Variants in SAFB observed in about 807,000 individuals in gnomAD.
SAFB encodes scaffold attachment factor B.
In SAFB, 15 loss-of-function variants were observed where a neutral mutation model predicts 101.6. The observed-to-expected ratio is 0.15, with a 90% CI of 0.10 to 0.23. The LOEUF (loss-of-function observed/expected upper bound fraction) is 0.23, where lower values mean the gene tolerates loss of function less well. SAFB is among the 10% of genes least tolerant of loss of function. The probability of loss-of-function intolerance (pLI) is 1.00; values close to 1 mark genes in which losing one functional copy is unlikely to be tolerated. For missense variants in SAFB, 930 were observed against 1,104.1 expected, an observed-to-expected ratio of 0.84 and a Z score of 2.23; for synonymous variants, 449 against 407.5, an observed-to-expected ratio of 1.10 and a Z score of -1.23.
At position 5,668,445 on chromosome 19, in the gene SAFB, TGTAATAAA is replaced by T; in HGVS notation, c.*155_*162del. ...TTTTCGTTTTGGGGTTTTTTTTTTT[TGTAATAAA>T]TGTGTTTCCGTTCACATACCCTTTA... On this transcript the variant is annotated 3_prime_UTR_variant, in exon 21 of 21. Coordinates refer to ENST00000588852, the MANE Select transcript of SAFB (RefSeq NM_001201338.2). The T allele has an allele frequency of 5.4e-6, 4 of 743,858 alleles. No individual in the cohort carries two copies. Among genetic ancestry groups the T allele is most frequent in the Non-Finnish European group, 4.1e-6 (2 of 485,848 alleles). 46.1% of individuals were successfully genotyped at this position (743,858 alleles called of 1,614,324 possible).
intron 5 of SAFB, among the ~76,000 whole-genome samples, chr19:5,646,299 A>G (rs1260933868): frequency 6.6e-6 from 1 of 152,204 alleles, no homozygotes; most frequent in Admixed American, 6.5e-5. Context: ...CTGGAAAGCC[A>G]GAGCTCCAAC....
chr19:5,648,649 A>G (rs529167599), intron 6 of SAFB, among the ~76,000 whole-genome samples: 83 of 152,262 alleles, frequency 5.5e-4, no homozygotes, highest in Non-Finnish European at 9.1e-4. Flanking sequence ...GTGAATGGTG[A>G]TACATTCAGT....
Position 5,667,387 on chromosome 19 carries a change from G to A in SAFB, c.2494G>A (p.Asp832Asn). Residue 832 changes from aspartate (D) to asparagine (N), a missense_variant, in exon 19 of 21, where the codon GAC (aspartate) becomes AAC (asparagine). Physicochemically the swap from Asp to Asn is conservative, Grantham distance 23. Transcript: ENST00000588852. The surrounding 1 kb of genome is among the most constrained non-coding windows in gnomAD (Gnocchi z 4.0). ...GGGGGACCATGGCCGAAGAGAGGATGACCGGTCATGGCAGGGCACGGCCGA... is the reference window on the plus strand; with the variant it reads ...GGGGGACCATGGCCGAAGAGAGGATAACCGGTCATGGCAGGGCACGGCCGA... The part of the protein sequence containing the change: ...DWGDHGRRED[D>N]RSWQGTADGG... 6.6e-7 allele frequency: 1 copy of A among 1,512,130 alleles called. No homozygotes were observed. Among genetic ancestry groups the A allele is most frequent in the Non-Finnish European group, 8.8e-7 (1 of 1,135,934 alleles). The allele number at this position is 1,512,130 out of a possible 1,614,324, so 93.7% of individuals were successfully genotyped here.
chr19:5,629,785 C>G (rs1457762553), intron 2 of SAFB, among the ~76,000 whole-genome samples: 1 of 152,186 alleles, frequency 6.6e-6, no homozygotes, highest in Admixed American at 6.5e-5. Flanking sequence ...CGGCCAAGTT[C>G]AGTGGCTCAC....
intron 12 of SAFB, 25 bp from the exon 13 acceptor site, chr19:5,654,343 T>C: frequency 6.2e-7 from 1 of 1,602,544 alleles, no homozygotes; most frequent in Non-Finnish European, 8.5e-7. Flanking sequence ...GTTTTCCACT[T>C]ACACTTTCCC....
intron 11 of SAFB, 81 bp downstream of exon 11, chr19:5,653,501 CTG>C: frequency 7.9e-7 from 1 of 1,266,738 alleles, no homozygotes; most frequent in Non-Finnish European, 1.1e-6. Context: ...GAGTCGCGCT[CTG>C]TCGCCCAGAC....
intron 5 of SAFB, 139 bp from the exon 6 acceptor site, chr19:5,647,877 C>G: frequency 2.6e-6 from 2 of 761,642 alleles, no homozygotes; most frequent in Admixed American, 4.2e-5. Context: ...CTAGAACAAG[C>G]AGGTTCTCCA....
chr19:5,635,297 A>C (rs2053572954), intron 2 of SAFB, among the ~76,000 whole-genome samples: 1 of 152,092 alleles, frequency 6.6e-6, no homozygotes, highest in Admixed American at 6.5e-5. Context: ...AGGTGGATCA[A>C]TACGCAGTAC....
At chr19:5,650,707 G>A (rs562151539) in intron 8 of SAFB, among the ~76,000 whole-genome samples, 21 of 152,192 alleles carry the variant, frequency 1.4e-4, no homozygotes, top group African/African-American at 4.6e-4. Context: ...CACCACACCC[G>A]GCCCGCAATT....
At chr19:5,644,989 T>C (rs959254445) in intron 4 of SAFB, among the ~76,000 whole-genome samples, 1 of 152,200 alleles carries the variant, frequency 6.6e-6, no homozygotes, top group African/African-American at 2.4e-5. Context: ...TAGCCATTGC[T>C]CCTGGAAGAA....
chr19:5,668,103 T>G lies in SAFB; in HGVS notation c.2625-59T>G, dbSNP rs2054377784. On this transcript the variant is annotated intron_variant, in intron 20 of 20. Coordinates refer to ENST00000588852, the MANE Select transcript of SAFB (RefSeq NM_001201338.2). ...CAACACTCAGGGAAGCTGTGCAGGC[T>G]GGGATGGGCCGGGGAGCAGGAGGAC... 3.8e-6 allele frequency: 6 copies of G among 1,584,378 alleles called. No homozygotes were observed. In the Admixed American group the frequency reaches 1.1e-4, roughly 29 times the overall value.
At chr19:5,628,209 C>T (rs905176796) in intron 2 of SAFB, among the ~76,000 whole-genome samples, 1 of 152,090 alleles carries the variant, frequency 6.6e-6, no homozygotes, top group Non-Finnish European at 1.5e-5. Context: ...CCAGATCGCA[C>T]CACTGCACTC....
In SAFB at chr19:5,653,145, C is replaced by T. The variant is rs978558339; in HGVS notation, c.1324C>T (p.Arg442Trp). ...GGGCGCCAAGGTTGTGACAAATGCC[C>T]GGAGTCCTGGAGCTCGCTGTTACGG... ...VVGAKVVTNA[R>W]SPGARCYGFV... Residue 442 changes from arginine to tryptophan, a missense_variant, in exon 10 of 21, where the codon CGG becomes TGG. Arg to Trp is a moderately radical substitution (Grantham distance 101). Transcript: ENST00000588852. The T allele has an allele frequency of 3.1e-6, 5 of 1,613,858 alleles. No homozygotes were observed. Among genetic ancestry groups the T allele is most frequent in the South Asian group, 1.1e-5 (1 of 91,072 alleles).
intron 1 of SAFB, chr19:5,624,065 G>A (rs2053274426): frequency 6.6e-6 from 1 of 152,040 alleles, no homozygotes; most frequent in Non-Finnish European, 1.5e-5. Context: ...GACCCCGGGT[G>A]GACTTTAAAA....
At chr19:5,639,269 T>C (rs537463064) in intron 2 of SAFB, among the ~76,000 whole-genome samples, 2 of 152,314 alleles carry the variant, frequency 1.3e-5, no homozygotes, top group African/African-American at 4.8e-5. Flanking sequence ...ACTGAGAGAA[T>C]AAATGTTTAA....
chr19:5,646,840 C>T (rs1000785787), intron 5 of SAFB, among the ~76,000 whole-genome samples: 11 of 152,184 alleles, frequency 7.2e-5, no homozygotes, highest in East Asian at 1.9e-4. Context: ...CTCGTGGGGC[C>T]TGGCCTGATG....
chr19:5,648,142 T>C, intron 6 of SAFB, 99 bp downstream of exon 6: 2 of 1,007,700 alleles, frequency 2.0e-6, no homozygotes, highest in East Asian at 4.8e-5. Flanking sequence ...GTTACCTTAC[T>C]ATAGTATACA....
In SAFB at chr19:5,653,144, C is replaced by T; in HGVS notation, c.1323C>T (p.Ala441=). The T allele has an allele frequency of 1.2e-6, 2 of 1,614,010 alleles. No individual in the cohort carries two copies. The highest frequency in any genetic ancestry group is 4.5e-5 in the East Asian group (2 of 44,886). Residue 441 remains alanine (A), a synonymous_variant, in exon 10 of 21, where the codon GCC becomes GCT. Coordinates refer to ENST00000588852, the MANE Select transcript of SAFB (RefSeq NM_001201338.2). ...TGGGCGCCAAGGTTGTGACAAATGC[C>T]CGGAGTCCTGGAGCTCGCTGTTACG... ...KVVGAKVVTN[A]RSPGARCYGF... is the part of the protein sequence containing the mutation.
chr19:5,657,179 A>T, intron 13 of SAFB, 62 bp from the exon 14 acceptor site: 2 of 1,225,564 alleles, frequency 1.6e-6, no homozygotes, highest in Non-Finnish European at 2.4e-6. Context: ...TGCTTGGATT[A>T]CAGGCATAAG....
Sources: allele counts gnomAD v4.1 joint callset (sites outside exome capture counted in the v4.1 genomes callset), GRCh38; gene constraint gnomAD v4.1.1; non-coding constraint Gnocchi (gnomAD v3.1); transcripts MANE v1.5; gene names NCBI Gene and HGNC (gene_info 2026-07-23, HGNC 2026-07-21).